Variants in SERGEF observed in about 807,000 individuals in gnomAD.
SERGEF encodes secretion-regulating guanine nucleotide exchange factor.
A neutral mutation model predicts 50.0 loss-of-function variants in SERGEF; 51 were observed. The ratio of observed to expected loss-of-function variants is 1.02; its 90% confidence interval spans 0.81 to 1.29. SERGEF has a LOEUF of 1.29. Ranked by LOEUF, SERGEF falls within the 50% of genes most tolerant of loss-of-function variation. SERGEF has a pLI of 0.00. For missense variants in SERGEF, 521 were observed against 557.0 expected (o/e 0.94, Z 0.65); for synonymous variants, 205 against 212.4 (o/e 0.97, Z 0.30).
chr11:17,820,462 A>C (rs1296645595), intron 10 of SERGEF, among the ~76,000 whole-genome samples: 1 of 152,194 alleles, frequency 6.6e-6, no homozygotes, highest in Non-Finnish European at 1.5e-5. Flanking sequence ...AATGGGCTTC[A>C]AAGTCGGACA....
At chr11:18,012,449 A>T (rs1854215950) in intron 1 of SERGEF, 1 of 1,029,468 alleles carries the variant, frequency 9.7e-7, no homozygotes, top group Non-Finnish European at 1.2e-6. Flanking sequence ...GCAGAGTGTC[A>T]GCAAATAGGC....
intron 9 of SERGEF, among the ~76,000 whole-genome samples, chr11:17,921,751 C>T (rs1448052592): frequency 6.6e-6 from 1 of 152,114 alleles, no homozygotes. Flanking sequence ...GAAAAAGAGA[C>T]AGAGACCAAG....
intron 7 of SERGEF, among the ~76,000 whole-genome samples, chr11:17,990,941 T>C (rs1432116429): frequency 6.6e-6 from 1 of 152,010 alleles, no homozygotes; most frequent in Non-Finnish European, 1.5e-5. Context: ...TAATTTTGAA[T>C]TTTTTGGTAG....
intron 9 of SERGEF, among the ~76,000 whole-genome samples, chr11:17,926,200 C>T (rs1852245365): frequency 6.6e-6 from 1 of 151,966 alleles, no homozygotes; most frequent in African/African-American, 2.4e-5. Flanking sequence ...GGGCATTAGT[C>T]ACTTGCCTCC....
intron 9 of SERGEF, among the ~76,000 whole-genome samples, chr11:17,941,304 A>C (rs1438179376): frequency 1.3e-5 from 2 of 152,202 alleles, no homozygotes; most frequent in African/African-American, 4.8e-5. Flanking sequence ...ATTGTTCTAC[A>C]ACCATCACCA....
intron 9 of SERGEF, among the ~76,000 whole-genome samples, chr11:17,917,406 T>A (rs1021539696): frequency 2.6e-5 from 4 of 152,088 alleles, no homozygotes; most frequent in African/African-American, 9.7e-5. Flanking sequence ...TAGACTTCAA[T>A]GACTCAGGGG....
intron 5 of SERGEF, chr11:17,999,561 A>C (rs1166895901): frequency 2.2e-6 from 1 of 456,288 alleles, no homozygotes; most frequent in Admixed American, 2.4e-5. Flanking sequence ...GCCACAGCCA[A>C]TTAGTGCTGT....
intron 10 of SERGEF, among the ~76,000 whole-genome samples, chr11:17,867,123 G>C (rs565596330): frequency 3.0e-4 from 46 of 152,318 alleles, no homozygotes; most frequent in Non-Finnish European, 4.9e-4. Flanking sequence ...TTTCTTAACA[G>C]TGTCCTAAAG....
At chr11:17,988,996 A>G (rs1450569888) in intron 7 of SERGEF, among the ~76,000 whole-genome samples, 1 of 152,198 alleles carries the variant, frequency 6.6e-6, no homozygotes, top group East Asian at 1.9e-4. Context: ...AGAAATAAAA[A>G]TGTGTGGTTT....
rs1376066028 is a variant in SERGEF, at chr11:17,988,592, C to T, written c.844+5G>A. 1 of 1,613,714 alleles carries T rather than the reference C, an allele frequency of 6.2e-7. No individual in the cohort carries two copies. The highest frequency in any genetic ancestry group is 8.5e-7 in the Non-Finnish European group (1 of 1,179,860). ...CCAACCGTAAGTTCTCTGCTACTGT[C>T]TCACCTGTCTGAGCAACCAGGTGTG... On this transcript the variant is annotated splice_donor_5th_base_variant and intron_variant, in intron 8 of 10. Transcript: ENST00000265965.
intron 10 of SERGEF, among the ~76,000 whole-genome samples, chr11:17,869,123 C>T (rs1272364783): frequency 6.6e-6 from 1 of 152,006 alleles, no homozygotes; most frequent in Non-Finnish European, 1.5e-5. Flanking sequence ...CATGACCATA[C>T]TAGAATAAAA....
At chr11:17,982,458 T>C (rs1265871860) in intron 8 of SERGEF, among the ~76,000 whole-genome samples, 1 of 152,222 alleles carries the variant, frequency 6.6e-6, no homozygotes, top group Non-Finnish European at 1.5e-5. Context: ...TGGGCTCAGT[T>C]TGACTTTCAC....
chr11:18,012,667 A>G, intron 1 of SERGEF: 1 of 1,170,234 alleles, frequency 8.5e-7, no homozygotes, highest in Non-Finnish European at 1.1e-6. Flanking sequence ...GCTCTCGCGG[A>G]ACCAGACGCT....
At chr11:17,817,251 C>T (rs1037429802) in intron 10 of SERGEF, among the ~76,000 whole-genome samples, 2 of 146,800 alleles carry the variant, frequency 1.4e-5, no homozygotes, top group Non-Finnish European at 1.5e-5. Context: ...CTCGCTCTGT[C>T]GCCCAGGCTG....
At chr11:17,913,245 A>G (rs571753327) in intron 9 of SERGEF, among the ~76,000 whole-genome samples, 2 of 152,290 alleles carry the variant, frequency 1.3e-5, no homozygotes, top group East Asian at 3.9e-4. Flanking sequence ...TGCCTCCACT[A>G]GCCCCACTTT....
At chr11:17,967,012 T>C (rs1052491568) in intron 8 of SERGEF, among the ~76,000 whole-genome samples, 9 of 152,232 alleles carry the variant, frequency 5.9e-5, no homozygotes, top group Non-Finnish European at 1.0e-4. Context: ...AGCTAGTAAG[T>C]GGCACAGCTG....
intron 10 of SERGEF, among the ~76,000 whole-genome samples, chr11:17,864,653 G>A (rs1478657272): frequency 1.3e-5 from 2 of 152,212 alleles, no homozygotes. Context: ...CCAGGGCTGA[G>A]AAAGGCAAGA....
At chr11:17,984,931 A>G (rs1240818114) in intron 8 of SERGEF, among the ~76,000 whole-genome samples, 1 of 152,270 alleles carries the variant, frequency 6.6e-6, no homozygotes, top group Non-Finnish European at 1.5e-5. Context: ...TAAACAAATA[A>G]GAATACAAAG....
chr11:17,842,224 A>C (rs1850515297), intron 10 of SERGEF, among the ~76,000 whole-genome samples: 2 of 152,220 alleles, frequency 1.3e-5, no homozygotes, highest in African/African-American at 4.8e-5. Flanking sequence ...CTGCTGAATG[A>C]ATAATACACC....
Sources: allele counts gnomAD v4.1 joint callset (sites outside exome capture counted in the v4.1 genomes callset), GRCh38; gene constraint gnomAD v4.1.1; transcripts MANE v1.5; gene names NCBI Gene and HGNC (gene_info 2026-07-23, HGNC 2026-07-21).